OSGIN2: variants seen among roughly 807,000 people sequenced by gnomAD.
The protein encoded by OSGIN2 is oxidative stress-induced growth inhibitor 2.
In OSGIN2, 19 loss-of-function variants were observed where a neutral mutation model predicts 53.8. The observed-to-expected ratio is 0.35, with a 90% CI of 0.25 to 0.52. The LOEUF is 0.52. Among genes scored for constraint, OSGIN2 ranks in the 20% least tolerant of loss-of-function variants. The pLI is 0.95. For synonymous variants in OSGIN2, 236 were observed against 236.0 expected, an observed-to-expected ratio of 1.00 and a Z score of 0.00; for missense variants, 520 against 662.7, an observed-to-expected ratio of 0.78 and a Z score of 2.36.
chr8:89,908,339 A>G (rs1808881443), intron 1 of OSGIN2, among the ~76,000 whole-genome samples: 1 of 152,204 alleles, frequency 6.6e-6, no homozygotes, highest in Non-Finnish European at 1.5e-5. Flanking sequence ...TTTGGGGTAC[A>G]GGTTACTTTC....
At position 89,927,435 on chromosome 8, in the gene OSGIN2, G is replaced by C. The variant is rs1809366643; in HGVS notation, c.*1903G>C. On this transcript the variant is annotated 3_prime_UTR_variant, in exon 6 of 6. Transcript: ENST00000451899. ...TGTCCTGTGTAGTATATAACATTTGGGCATTTTCTCTGATATACTATACTC... is the reference window on the plus strand; with the variant it reads ...TGTCCTGTGTAGTATATAACATTTGCGCATTTTCTCTGATATACTATACTC... 1 of 151,996 alleles carries C rather than the reference G, an allele frequency of 6.6e-6. No individual in the cohort carries two copies. The highest frequency in any genetic ancestry group is 2.1e-4 in the South Asian group (1 of 4,824). The allele number at this position is 151,996 out of a possible 1,614,324, so 9.4% of individuals were successfully genotyped here.
chr8:89,923,954 C>G (rs766351820), intron 5 of OSGIN2, among the ~76,000 whole-genome samples: 2 of 152,168 alleles, frequency 1.3e-5, no homozygotes, highest in Non-Finnish European at 2.9e-5. Context: ...GAAATGTCAT[C>G]TGTTACTTAA....
intron 3 of OSGIN2, 130 bp downstream of exon 3, chr8:89,914,343 T>C: frequency 1.4e-6 from 1 of 708,282 alleles, no homozygotes; most frequent in Non-Finnish European, 2.3e-6. Flanking sequence ...TATTTTAGAT[T>C]CGTAAATGTA....
At position 89,914,100 on chromosome 8, in the gene OSGIN2, C is replaced by G; in HGVS notation, c.223C>G (p.Leu75Val). The change falls in exon 3 of 6, where the codon CTT becomes GTT. Residue 75 changes from leucine (L) to valine (V), a missense_variant. Around this residue, in one of 3 missense-constraint regions of OSGIN2, gnomAD observed 203 missense variants for 275.3 expected, o/e 0.74. Transcript: ENST00000451899. ...IIGNGPSGICLSYMLSGYRPY... is the reference protein window; with the variant it reads ...IIGNGPSGICVSYMLSGYRPY... ...AGGAAATGGACCCTCAGGAATATGCCTTTCTTATATGTTATCAGGCTACAG... is the reference window on the plus strand; with the variant it reads ...AGGAAATGGACCCTCAGGAATATGCGTTTCTTATATGTTATCAGGCTACAG... The G allele has an allele frequency of 1.2e-6, 2 of 1,610,926 alleles. No individual in the cohort carries two copies. The highest frequency in any genetic ancestry group is 1.7e-6 in the Non-Finnish European group (2 of 1,177,908).
At chr8:89,902,919 CG>C in intron 1 of OSGIN2, 82 bp downstream of exon 1, 1 of 869,716 alleles carries the variant, frequency 1.1e-6, no homozygotes. Context: ...GGGCCGGGAC[CG>C]GGGTGGAGGG....
chr8:89,909,065 T>TATATATAA (rs1418669494), intron 1 of OSGIN2, among the ~76,000 whole-genome samples: 89 of 118,748 alleles, frequency 7.5e-4, no homozygotes, highest in Admixed American at 1.2e-3. Context: ...TATATATATA[T>TATATATAA]AATGTATATG....
intron 4 of OSGIN2, 24 bp from the exon 5 acceptor site, chr8:89,921,056 A>C (rs1563475662): frequency 8.7e-7 from 1 of 1,151,468 alleles, no homozygotes; most frequent in Non-Finnish European, 1.2e-6. Flanking sequence ...TTGACGGTAC[A>C]TTTTTTTTTT....
In OSGIN2 at chr8:89,927,113, C is replaced by G. The variant is rs1486550515; in HGVS notation, c.*1581C>G. On this transcript the variant is annotated 3_prime_UTR_variant, in exon 6 of 6. Transcript: ENST00000451899. Reference sequence around the variant, plus strand: ...CTCTGACTGCACTTGCTTCAGTACTCTCTTGCCTGCCTGTTTTTGACCTCT... The same window carrying G: ...CTCTGACTGCACTTGCTTCAGTACTGTCTTGCCTGCCTGTTTTTGACCTCT... The G allele has an allele frequency of 6.6e-6, 1 of 152,088 alleles. No homozygotes were observed. The highest frequency in any genetic ancestry group is 6.5e-5 in the Admixed American group (1 of 15,270). The allele number at this position is 152,088 out of a possible 1,614,324, so 9.4% of individuals were successfully genotyped here.
intron 4 of OSGIN2, among the ~76,000 whole-genome samples, chr8:89,918,790 G>A (rs1328688889): frequency 6.6e-6 from 1 of 152,174 alleles, no homozygotes; most frequent in East Asian, 1.9e-4. Context: ...GAACCTGAGA[G>A]TCTTCCTTGA....
At position 89,926,987 on chromosome 8, in the gene OSGIN2, CTAATT is replaced by C. The variant is rs879489190; in HGVS notation, c.*1459_*1463del. The C allele has an allele frequency of 1.3e-5, 2 of 152,020 alleles. No individual in the cohort carries two copies. The highest frequency in any genetic ancestry group is 2.9e-5 in the Non-Finnish European group (2 of 67,990). 9.4% of individuals were successfully genotyped at this position (152,020 alleles called of 1,614,324 possible). A position where few individuals can be genotyped will look rare whatever the true frequency, so the allele number is the denominator to read the frequency against. ...TCTTAGACTCTTGATAATATCACACCTAATTTAACTTGATTTTACAAGCTGTACAA... is the reference window on the plus strand; with the variant it reads ...TCTTAGACTCTTGATAATATCACACCTAACTTGATTTTACAAGCTGTACAA... On this transcript the variant is annotated 3_prime_UTR_variant, in exon 6 of 6. Transcript: ENST00000451899.
intron 5 of OSGIN2, among the ~76,000 whole-genome samples, chr8:89,921,848 G>A (rs1013921120): frequency 2.0e-5 from 3 of 151,912 alleles, no homozygotes; most frequent in African/African-American, 4.8e-5. Context: ...GCATGGTGGC[G>A]CATGCCTGTA....
At chr8:89,907,032 T>C (rs184808183) in intron 1 of OSGIN2, among the ~76,000 whole-genome samples, 2 of 152,366 alleles carry the variant, frequency 1.3e-5, no homozygotes, top group East Asian at 3.9e-4. Flanking sequence ...TGTTGAACTT[T>C]TTTTCATATG....
Position 89,927,717 on chromosome 8 carries a change from C to T in OSGIN2, c.*2185C>T, listed in dbSNP as rs952694963. On this transcript the variant is annotated 3_prime_UTR_variant, in exon 6 of 6. Transcript: ENST00000451899. The stretch of plus-strand genomic sequence containing the variant: ...ATGATACAACAAAAAGATTTAATTA[C>T]AGCTTCCAGTGTTTTGACTATGTGA... The T allele has an allele frequency of 6.6e-6, 1 of 152,248 alleles. No individual in the cohort carries two copies. The highest frequency in any genetic ancestry group is 1.9e-4 in the East Asian group (1 of 5,204). 9.4% of individuals were successfully genotyped at this position (152,248 alleles called of 1,614,324 possible). A position where few individuals can be genotyped will look rare whatever the true frequency, so the allele number is the denominator to read the frequency against.
At chr8:89,911,197 A>G (rs1808959642) in intron 2 of OSGIN2, among the ~76,000 whole-genome samples, 1 of 152,164 alleles carries the variant, frequency 6.6e-6, no homozygotes. Flanking sequence ...CAACTGGGAA[A>G]AGTTCTCTAT....
chr8:89,909,297 A>G (rs1808916738), intron 1 of OSGIN2, among the ~76,000 whole-genome samples: 1 of 151,810 alleles, frequency 6.6e-6, no homozygotes. Flanking sequence ...GTCTTTGATC[A>G]TGAGAGAACT....
intron 5 of OSGIN2, among the ~76,000 whole-genome samples, chr8:89,921,484 C>T (rs1289633987): frequency 2.6e-5 from 4 of 152,052 alleles, no homozygotes; most frequent in African/African-American, 9.7e-5. Flanking sequence ...ATTTTTCATA[C>T]TTTATTTTTA....
chr8:89,902,890 G>C (rs975838713), intron 1 of OSGIN2, 53 bp downstream of exon 1: 2 of 1,260,538 alleles, frequency 1.6e-6, no homozygotes, highest in Admixed American at 3.2e-5. Context: ...CCGCGCTCTC[G>C]AGCTTTTTGG....
At chr8:89,903,212 A>G (rs1327270433) in intron 1 of OSGIN2, among the ~76,000 whole-genome samples, 1 of 152,178 alleles carries the variant, frequency 6.6e-6, no homozygotes, top group Non-Finnish European at 1.5e-5. Flanking sequence ...CTTCTAAATA[A>G]TGTAATGAGT....
chr8:89,906,410 C>T (rs1337532399), intron 1 of OSGIN2, among the ~76,000 whole-genome samples: 4 of 152,160 alleles, frequency 2.6e-5, no homozygotes, highest in African/African-American at 9.7e-5. Context: ...AGTTGTTTTT[C>T]TTGATCCTCT....
Sources: gnomAD v4.1 joint callset for allele counts (sites outside exome capture counted in the v4.1 genomes callset) on GRCh38, gnomAD v4.1.1 for gene constraint, gnomAD v4.1.1 regional missense constraint, MANE v1.5 for transcripts, NCBI Gene and HGNC (gene_info 2026-07-23, HGNC 2026-07-21) for gene names.